Variants in TNFSF13B observed in about 807,000 individuals in gnomAD.
TNFSF13B encodes TNF superfamily member 13b.
In TNFSF13B, 8 loss-of-function variants were observed where a neutral mutation model predicts 29.1. That is an observed-to-expected ratio of 0.27 (90% CI 0.16 to 0.50). The LOEUF (loss-of-function observed/expected upper bound fraction) is 0.50. TNFSF13B is among the 20% of genes least tolerant of loss of function. The pLI, the probability that TNFSF13B is intolerant of heterozygous loss-of-function variation, is 0.98. For synonymous variants in TNFSF13B, 125 were observed against 130.8 expected, an observed-to-expected ratio of 0.96 and a Z score of 0.30; for missense variants, 248 against 334.9, an observed-to-expected ratio of 0.74 and a Z score of 2.03.
chr13:108,272,904 G>T lies in TNFSF13B; in HGVS notation c.424+2480G>T, dbSNP rs373270741. On this transcript the variant is annotated intron_variant, in intron 2 of 5. Transcript: ENST00000375887. The stretch of plus-strand genomic sequence containing the variant: ...CATTTCAGCAGATTTAAGAAGAAAA[G>T]AATAATAGAGTAGGAAAGAAATAAC... Among the ~76,000 whole-genome samples, 45 of 151,950 alleles carry T rather than the reference G, an allele frequency of 3.0e-4. No individual in the cohort carries two copies. The East Asian group carries it at 8.1e-3, about 27-fold the overall frequency.
intron 2 of TNFSF13B, among the ~76,000 whole-genome samples, chr13:108,284,759 C>G (rs1262004685): frequency 6.6e-6 from 1 of 152,170 alleles, no homozygotes; most frequent in Non-Finnish European, 1.5e-5. Flanking sequence ...CTGATTGACC[C>G]TAGTGCCACT....
At position 108,270,033 on chromosome 13, in the gene TNFSF13B, G is replaced by A. The variant is rs1475181185; in HGVS notation, c.138G>A (p.Lys46=). 2.5e-6 allele frequency: 4 copies of A among 1,611,958 alleles called. No homozygotes were observed. In the South Asian group the frequency reaches 3.3e-5, roughly 13 times the overall value. ...SPSVRSSKDG[K]LLAATLLLAL... is the part of the protein sequence containing the mutation. The stretch of plus-strand genomic sequence containing the variant: ...CTGTCCGATCCTCCAAAGACGGAAA[G>A]CTGCTGGCTGCAACCTTGCTGCTGG... The change falls in exon 1 of 6, where the codon AAG becomes AAA. Residue 46 remains lysine (K), a synonymous_variant. Transcript: ENST00000375887.
Position 108,295,962 on chromosome 13 carries a change from A to T in TNFSF13B, c.482-7291A>T, listed in dbSNP as rs371904708. ...AAAACATATCTTTTTAAAATACAAGATATTTGTGGAATTCAAATATTTTAA... is the reference window on the plus strand; with the variant it reads ...AAAACATATCTTTTTAAAATACAAGTTATTTGTGGAATTCAAATATTTTAA... On this transcript the variant is annotated intron_variant, in intron 3 of 5. Coordinates refer to ENST00000375887, the MANE Select transcript of TNFSF13B (RefSeq NM_006573.5). Among the ~76,000 whole-genome samples, 2 of 146,390 alleles carry T rather than the reference A, an allele frequency of 1.4e-5. 1 individual carries two copies.
intron 3 of TNFSF13B, chr13:108,302,981 A>G (rs1309185057): frequency 1.8e-6 from 1 of 540,640 alleles, no homozygotes; most frequent in Non-Finnish European, 2.6e-6. Flanking sequence ...CGAAATATAG[A>G]CCAATAAAGG....
chr13:108,300,416 C>T (rs1172819079), intron 3 of TNFSF13B, among the ~76,000 whole-genome samples: 1 of 151,964 alleles, frequency 6.6e-6, no homozygotes, highest in Non-Finnish European at 1.5e-5. Context: ...TTTTTAAAAG[C>T]TCTCTTCCCT....
At chr13:108,275,997 T>C (rs967758390) in intron 2 of TNFSF13B, among the ~76,000 whole-genome samples, 2 of 152,248 alleles carry the variant, frequency 1.3e-5, no homozygotes, top group African/African-American at 4.8e-5. Flanking sequence ...AAAGTGAAGA[T>C]ATCAATACTA....
chr13:108,286,411 T>C (rs934250251), intron 2 of TNFSF13B, among the ~76,000 whole-genome samples: 1 of 152,192 alleles, frequency 6.6e-6, no homozygotes, highest in East Asian at 1.9e-4. Context: ...TAGTAGGTCA[T>C]TATTTAATGT....
Position 108,307,768 on chromosome 13 carries a change from T to C in TNFSF13B, c.*830T>C, listed in dbSNP as rs1297117836. On this transcript the variant is annotated 3_prime_UTR_variant, in exon 6 of 6. Transcript: ENST00000375887. ...ATAACACATAATCTCCAACAGAAGT[T>C]ACTGAATACATTCATACTAATGTAA... 1 of 152,078 alleles carries C rather than the reference T, an allele frequency of 6.6e-6. No homozygotes were observed. The highest frequency in any genetic ancestry group is 1.5e-5 in the Non-Finnish European group (1 of 67,952). The allele number at this position is 152,078 out of a possible 1,614,324, so 9.4% of individuals were successfully genotyped here.
Position 108,269,776 on chromosome 13 carries a change from T to C in TNFSF13B, c.-120T>C. On this transcript the variant is annotated 5_prime_UTR_variant, in exon 1 of 6. An upstream open reading frame in the 5' UTR loses its in-frame stop. Coordinates refer to ENST00000375887, the MANE Select transcript of TNFSF13B (RefSeq NM_006573.5). ...AATTCAGGATAACTCTCCTGAGGGG[T>C]GAGCCAAGCCCTGCCATGTAGTGCA... 2.2e-6 allele frequency: 2 copies of C among 930,158 alleles called. No homozygotes were observed. The highest frequency in any genetic ancestry group is 1.6e-6 in the Non-Finnish European group (1 of 615,234). 57.6% of individuals were successfully genotyped at this position (930,158 alleles called of 1,614,324 possible).
intron 2 of TNFSF13B, among the ~76,000 whole-genome samples, chr13:108,271,342 G>A (rs1453731795): frequency 6.6e-6 from 1 of 151,680 alleles, no homozygotes; most frequent in Admixed American, 6.6e-5. Flanking sequence ...TCACAGTGAC[G>A]CTATGAAGTC....
At chr13:108,291,054 C>T (rs932413999) in intron 3 of TNFSF13B, among the ~76,000 whole-genome samples, 4 of 151,514 alleles carry the variant, frequency 2.6e-5, no homozygotes, top group Admixed American at 2.6e-4. Context: ...CATGTTTAGT[C>T]TATGTTTTTT....
At position 108,303,474 on chromosome 13, in the gene TNFSF13B, C is replaced by T. The variant is rs1881686888; in HGVS notation, c.615C>T (p.Thr205=). The change falls in exon 5 of 6, where the codon ACC becomes ACT. Residue 205 remains threonine, a synonymous_variant. Transcript: ENST00000375887. ...CTTAGGTTTTATATACTGATAAGACCTACGCCATGGGACATCTAATTCAGA... is the reference window on the plus strand; with the variant it reads ...CTTAGGTTTTATATACTGATAAGACTTACGCCATGGGACATCTAATTCAGA... ...IYGQVLYTDK[T]YAMGHLIQRK... The T allele has an allele frequency of 6.2e-7, 1 of 1,613,108 alleles. No homozygotes were observed. The highest frequency in any genetic ancestry group is 2.2e-5 in the East Asian group (1 of 44,840).
chr13:108,307,071 G>C lies in TNFSF13B; in HGVS notation c.*133G>C. On this transcript the variant is annotated 3_prime_UTR_variant, in exon 6 of 6. Coordinates refer to ENST00000375887, the MANE Select transcript of TNFSF13B (RefSeq NM_006573.5). ...AAGTAGTTACCATTGCCTTTTCTGT[G>C]AGCTATTTGTTTTGGTTTGCTGAAA... 1 of 618,506 alleles carries C rather than the reference G, an allele frequency of 1.6e-6. No individual in the cohort carries two copies. Among genetic ancestry groups the C allele is most frequent in the Non-Finnish European group, 2.7e-6 (1 of 377,158 alleles). 38.3% of individuals were successfully genotyped at this position (618,506 alleles called of 1,614,324 possible).
Position 108,270,441 on chromosome 13 carries a change from G to C in TNFSF13B, c.424+17G>C. 6.2e-7 allele frequency: 1 copy of C among 1,611,618 alleles called. No individual in the cohort carries two copies. Among genetic ancestry groups the C allele is most frequent in the Non-Finnish European group, 8.5e-7 (1 of 1,177,732 alleles). ...AAGAAACAGGTATGTTTTGGGCACA[G>C]ACACTTTTAGGAGTCAGGGATTAGA... is the stretch of plus-strand genomic sequence containing the variant. On this transcript the variant is annotated intron_variant, in intron 2 of 5. Coordinates refer to ENST00000375887, the MANE Select transcript of TNFSF13B (RefSeq NM_006573.5).
At chr13:108,282,341 T>C (rs756974540) in intron 2 of TNFSF13B, among the ~76,000 whole-genome samples, 1 of 152,208 alleles carries the variant, frequency 6.6e-6, no homozygotes, top group African/African-American at 2.4e-5. Flanking sequence ...TTTGTTGAAA[T>C]AATGAATAAT....
chr13:108,294,376 C>T (rs1216079488), intron 3 of TNFSF13B, among the ~76,000 whole-genome samples: 1 of 151,966 alleles, frequency 6.6e-6, no homozygotes, highest in Non-Finnish European at 1.5e-5. Context: ...AACAGGGTTT[C>T]ACCATGTTGG....
intron 5 of TNFSF13B, 41 bp from the exon 6 acceptor site, chr13:108,306,785 T>C: frequency 8.4e-7 from 1 of 1,195,120 alleles, no homozygotes; most frequent in Non-Finnish European, 1.2e-6. Context: ...TCTTTTCTGT[T>C]GTATAACCAC....
chr13:108,271,444 TCACACACACACACACACACACACACACA>T (rs59438208), intron 2 of TNFSF13B, among the ~76,000 whole-genome samples: 1 of 142,904 alleles, frequency 7.0e-6, no homozygotes, highest in Non-Finnish European at 1.5e-5. Context: ...GACCCTTCTA[TCACACACACACACACACACACACACACA>T]CACACACACA....
intron 3 of TNFSF13B, among the ~76,000 whole-genome samples, chr13:108,300,398 A>G (rs1466994019): frequency 2.0e-5 from 3 of 152,080 alleles, no homozygotes; most frequent in Non-Finnish European, 4.4e-5. Context: ...TCTCTCAAGT[A>G]TATTATTTTT....
Sources: allele counts gnomAD v4.1 joint callset (sites outside exome capture counted in the v4.1 genomes callset), GRCh38; gene constraint gnomAD v4.1.1; transcripts MANE v1.5; gene names NCBI Gene and HGNC (gene_info 2026-07-23, HGNC 2026-07-21).